Variants in SPOCK3 observed in about 807,000 individuals in gnomAD.
SPOCK3 encodes the protein SPARC (osteonectin), cwcv and kazal like domains proteoglycan 3.
SPOCK3 carries 30 observed loss-of-function variants against 56.6 expected under a neutral mutation model. The observed-to-expected ratio is 0.53, with a 90% confidence interval of 0.40 to 0.72. The LOEUF (loss-of-function observed/expected upper bound fraction) is 0.72, where lower values mean the gene tolerates loss of function less well. Ranked by LOEUF, SPOCK3 falls within the 30% of genes least tolerant of loss-of-function variation. The probability of loss-of-function intolerance (pLI) is 0.00; values close to 1 mark genes in which losing one functional copy is unlikely to be tolerated. For synonymous variants in SPOCK3, 196 were observed against 183.3 expected, an observed-to-expected ratio of 1.07 and a Z score of -0.56; for missense variants, 527 against 530.0, an observed-to-expected ratio of 0.99 and a Z score of 0.06.
At chr4:167,144,821 A>G (rs1763809187) in intron 2 of SPOCK3, among the ~76,000 whole-genome samples, 1 of 151,752 alleles carries the variant, frequency 6.6e-6, no homozygotes, top group African/African-American at 2.4e-5. Flanking sequence ...GCTGGAGAAG[A>G]GAGTGGAAAA....
At chr4:167,021,112 A>T (rs1280351225) in intron 3 of SPOCK3, among the ~76,000 whole-genome samples, 7 of 152,200 alleles carry the variant, frequency 4.6e-5, no homozygotes, top group African/African-American at 1.7e-4. Flanking sequence ...AATAAAAATT[A>T]TAAGAATACT....
rs200765233 is a variant in SPOCK3, at chr4:166,754,635, T to C, written c.804A>G (p.Ser268=). 3.1e-6 allele frequency: 5 copies of C among 1,613,798 alleles called. No individual in the cohort carries two copies. Among genetic ancestry groups the C allele is most frequent in the Non-Finnish European group, 4.2e-6 (5 of 1,179,788 alleles). ...DTNYDLLLDQ[S]ELRSIYLDKN... ...TATCAAGGTAAATGCTTCTGAGCTCTGACTGGTCCAATAGCAGGTCATAGT... is the reference window on the plus strand; with the variant it reads ...TATCAAGGTAAATGCTTCTGAGCTCCGACTGGTCCAATAGCAGGTCATAGT... Residue 268 remains serine, a synonymous_variant, in exon 8 of 11, where the codon TCA becomes TCG. Coordinates refer to ENST00000357545, the MANE Select transcript of SPOCK3 (RefSeq NM_001040159.2).
chr4:167,068,486 A>C (rs897399976), intron 2 of SPOCK3, among the ~76,000 whole-genome samples: 6 of 151,734 alleles, frequency 4.0e-5, no homozygotes, highest in African/African-American at 1.4e-4. Context: ...TCATTATGCT[A>C]CAAATGAATA....
intron 4 of SPOCK3, among the ~76,000 whole-genome samples, chr4:166,975,456 G>A (rs2150081791): frequency 6.6e-6 from 1 of 151,932 alleles, no homozygotes; most frequent in East Asian, 1.9e-4. Context: ...ATCACATCAG[G>A]GTTAATAGGT....
chr4:166,973,108 G>A (rs1186794204), intron 4 of SPOCK3, among the ~76,000 whole-genome samples: 1 of 152,066 alleles, frequency 6.6e-6, no homozygotes, highest in African/African-American at 2.4e-5. Context: ...TTTCTCCCAT[G>A]ATGTTCTTGT....
intron 2 of SPOCK3, among the ~76,000 whole-genome samples, chr4:167,203,670 C>A (rs1733742452): frequency 6.6e-6 from 1 of 151,814 alleles, no homozygotes; most frequent in African/African-American, 2.4e-5. Flanking sequence ...CCAATTACGA[C>A]CTTGTAGAAA....
chr4:167,131,092 T>C (rs1762664091), intron 2 of SPOCK3, among the ~76,000 whole-genome samples: 1 of 152,054 alleles, frequency 6.6e-6, no homozygotes, highest in Admixed American at 6.5e-5. Flanking sequence ...TTTTTAAAAA[T>C]ATTACTAAAT....
intron 2 of SPOCK3, among the ~76,000 whole-genome samples, chr4:167,203,458 C>T (rs1387730815): frequency 6.6e-6 from 1 of 151,672 alleles, no homozygotes; most frequent in Non-Finnish European, 1.5e-5. Context: ...TATTAATACT[C>T]CTTGAAACCA....
chr4:167,103,883 G>A (rs1158663077), intron 2 of SPOCK3, among the ~76,000 whole-genome samples: 1 of 152,134 alleles, frequency 6.6e-6, no homozygotes, highest in African/African-American at 2.4e-5. Context: ...CTCCAGGCAG[G>A]TCATCACAGA....
Position 167,053,678 on chromosome 4 carries a change from C to T in SPOCK3, c.235+8814G>A, listed in dbSNP as rs547333097. Among the ~76,000 whole-genome samples the T allele has an allele frequency of 6.7e-4, 101 of 151,846 alleles. 1 individual carries two copies. The highest frequency in any genetic ancestry group is 2.4e-3 in the African/African-American group (98 of 41,378). ...CCAGCCTGGGCGACAGAGTGAGACT[C>T]CATCTCAAAAATAAATAAATAAATA... On this transcript the variant is annotated intron_variant, in intron 3 of 10. Transcript: ENST00000357545.
chr4:167,034,522 T>A (rs1205512994), intron 3 of SPOCK3, among the ~76,000 whole-genome samples: 1 of 152,184 alleles, frequency 6.6e-6, no homozygotes, highest in Non-Finnish European at 1.5e-5. Context: ...TACCACAAAA[T>A]GAAACCTACC....
intron 2 of SPOCK3, among the ~76,000 whole-genome samples, chr4:167,208,542 T>C (rs992605960): frequency 3.3e-5 from 5 of 152,250 alleles, no homozygotes; most frequent in Non-Finnish European, 5.9e-5. Context: ...AGCTATGTTA[T>C]CTTGGGCAAA....
chr4:167,119,624 C>A (rs1331080498), intron 2 of SPOCK3, among the ~76,000 whole-genome samples: 1 of 151,996 alleles, frequency 6.6e-6, no homozygotes, highest in Non-Finnish European at 1.5e-5. Context: ...CAAAAATAAA[C>A]CACAAGTGAA....
chr4:166,824,065 G>A (rs921856), intron 6 of SPOCK3, among the ~76,000 whole-genome samples: 111,732 of 151,798 alleles, frequency 0.74, 41,199 homozygotes, highest in East Asian at 0.81. Context: ...TCACCAAGAC[G>A]GGTCAGTCCC....
intron 4 of SPOCK3, among the ~76,000 whole-genome samples, chr4:166,958,511 C>T (rs1743776601): frequency 1.3e-5 from 2 of 152,204 alleles, no homozygotes; most frequent in Non-Finnish European, 2.9e-5. Context: ...CCTCACAGGT[C>T]TCCCTGACTC....
chr4:166,803,325 G>A (rs1001694099), intron 6 of SPOCK3, among the ~76,000 whole-genome samples: 7 of 152,148 alleles, frequency 4.6e-5, no homozygotes, highest in African/African-American at 1.7e-4. Flanking sequence ...ACCAGCCTAA[G>A]GATGGAGTTG....
At chr4:166,903,581 T>C (rs1044060463) in intron 5 of SPOCK3, among the ~76,000 whole-genome samples, 1 of 152,120 alleles carries the variant, frequency 6.6e-6, no homozygotes, top group Admixed American at 6.6e-5. Flanking sequence ...TGTGCTTTCA[T>C]ATCGAGCCTA....
chr4:166,835,872 G>A (rs1746557620), intron 6 of SPOCK3, among the ~76,000 whole-genome samples: 1 of 152,136 alleles, frequency 6.6e-6, no homozygotes, highest in South Asian at 2.1e-4. Flanking sequence ...CAGATGTGGT[G>A]GTGCATGCCT....
At position 167,027,765 on chromosome 4, in the gene SPOCK3, TAAAA is replaced by T. The variant is rs72409232; in HGVS notation, c.236-27306_236-27303del. 6.3e-3 allele frequency among the ~76,000 whole-genome samples: 964 copies of T among 152,168 alleles called. 34 individuals are homozygous for T. The East Asian group carries it at 0.092, about 15-fold the overall frequency. ...TTCATTAAGTGGAAGTGGATCATCA[TAAAA>T]ATCTTTCTTTATTCTCGTTGTCTTC... On this transcript the variant is annotated intron_variant, in intron 3 of 10. Transcript: ENST00000357545.
Sources: gnomAD v4.1 joint callset for allele counts (sites outside exome capture counted in the v4.1 genomes callset) on GRCh38, gnomAD v4.1.1 for gene constraint, MANE v1.5 for transcripts, NCBI Gene and HGNC (gene_info 2026-07-23, HGNC 2026-07-21) for gene names.